EEF1AKMT2: variants seen among roughly 807,000 people sequenced by gnomAD.
EEF1AKMT2 encodes the protein EEF1A lysine methyltransferase 2, also known as eukaryotic translation elongation factor 1 alpha lysine methyltransferase 2.
In EEF1AKMT2, 32 loss-of-function variants were observed where a neutral mutation model predicts 35.8. The observed-to-expected ratio is 0.89, with a 90% CI of 0.67 to 1.20. The LOEUF is 1.20. EEF1AKMT2 is among the 50% of genes most tolerant of loss of function. EEF1AKMT2 has a pLI of 0.00. For missense variants in EEF1AKMT2, 330 were observed against 347.5 expected, an observed-to-expected ratio of 0.95 and a Z score of 0.40; for synonymous variants, 121 against 133.7, an observed-to-expected ratio of 0.91 and a Z score of 0.65.
At chr10:124,781,752 GA>G (rs796413174) in intron 3 of EEF1AKMT2, among the ~76,000 whole-genome samples, 102 of 126,800 alleles carry the variant, frequency 8.0e-4, no homozygotes, top group Middle Eastern at 4.0e-3. Context: ...TAGACAGAAA[GA>G]AAAAAAAAAA....
At chr10:124,767,295 T>C (rs1389557689) in intron 4 of EEF1AKMT2, among the ~76,000 whole-genome samples, 1 of 147,058 alleles carries the variant, frequency 6.8e-6, no homozygotes, top group Non-Finnish European at 1.5e-5. Flanking sequence ...AGACGGATCA[T>C]GAGGTCAGGA....
At chr10:124,756,294 A>G (rs1404970352), downstream of EEF1AKMT2, among the ~76,000 whole-genome samples, 1 of 152,258 alleles carries the variant, frequency 6.6e-6, no homozygotes, top group Non-Finnish European at 1.5e-5. Context: ...AAGCTAGGCA[A>G]GTAATTTGCA....
chr10:124,773,161 C>T (rs1950453237), intron 4 of EEF1AKMT2, among the ~76,000 whole-genome samples: 1 of 152,124 alleles, frequency 6.6e-6, no homozygotes, highest in African/African-American at 2.4e-5. Context: ...TTACAGGCCA[C>T]TGTGTTGAGG....
intron 3 of EEF1AKMT2, among the ~76,000 whole-genome samples, chr10:124,779,549 A>G (rs1950518627): frequency 1.3e-5 from 2 of 151,298 alleles, no homozygotes; most frequent in Admixed American, 1.3e-4. Flanking sequence ...GATCGAGACC[A>G]TCCTGGCTAA....
intron 4 of EEF1AKMT2, among the ~76,000 whole-genome samples, chr10:124,772,873 C>A (rs536122776): frequency 5.3e-5 from 8 of 152,224 alleles, no homozygotes; most frequent in Non-Finnish European, 1.2e-4. Flanking sequence ...TGAGAGAATG[C>A]TATGGCTGGT....
chr10:124,764,030 A>T (rs1371047361), intron 5 of EEF1AKMT2, among the ~76,000 whole-genome samples: 1 of 152,180 alleles, frequency 6.6e-6, no homozygotes, highest in Non-Finnish European at 1.5e-5. Context: ...ACATTATATA[A>T]TCTGTCAAAG....
intron 3 of EEF1AKMT2, among the ~76,000 whole-genome samples, chr10:124,779,555 G>A (rs937306107): frequency 4.6e-5 from 7 of 151,186 alleles, no homozygotes; most frequent in African/African-American, 1.7e-4. Flanking sequence ...GACCATCCTG[G>A]CTAACACAGT....
chr10:124,757,896 T>C lies in EEF1AKMT2; in HGVS notation c.*2607A>G, dbSNP rs1051971005. 6.6e-6 allele frequency: 1 copy of C among 152,196 alleles called. No individual in the cohort carries two copies. The highest frequency in any genetic ancestry group is 1.5e-5 in the Non-Finnish European group (1 of 68,018). 9.4% of individuals were successfully genotyped at this position (152,196 alleles called of 1,614,324 possible). A position where few individuals can be genotyped will look rare whatever the true frequency, so the allele number is the denominator to read the frequency against. On this transcript the variant is annotated 3_prime_UTR_variant, in exon 7 of 7. Coordinates refer to ENST00000368836, the MANE Select transcript of EEF1AKMT2 (RefSeq NM_212554.4). The stretch of plus-strand genomic sequence containing the variant: ...ATATCAGGTTTGATTCTCACATACA[T>C]AAATGCCAGTCCCAAAAAGCAACTC...
intron 4 of EEF1AKMT2, among the ~76,000 whole-genome samples, chr10:124,772,420 CTTTTTTTTT>C (rs59707540): frequency 4.0e-5 from 3 of 75,412 alleles, no homozygotes; most frequent in African/African-American, 1.0e-4. Flanking sequence ...TTTTCTTTTT[CTTTTTTTTT>C]TTTTTTTTTT....
Position 124,774,782 on chromosome 10 carries a change from C to A in EEF1AKMT2, c.292G>T (p.Ala98Ser). 2 of 1,389,592 alleles carry A rather than the reference C, an allele frequency of 1.4e-6. No homozygotes were observed. The highest frequency in any genetic ancestry group is 2.7e-5 in the Admixed American group (1 of 36,492). 86.1% of individuals were successfully genotyped at this position (1,389,592 alleles called of 1,614,324 possible). ...TGNGVFLVEL[A>S]KFGFSNITGI... is the part of the protein sequence containing the mutation. The stretch of plus-strand genomic sequence containing the variant: ...GTAATATTAGAGAAACCAAATTTTG[C>A]CTAGAGAGAAATAATTTTATACTTT... Residue 98 changes from alanine to serine, a missense_variant and splice_region_variant, in exon 4 of 7, where the codon GCA (alanine) becomes TCA (serine). Ala to Ser is a moderately conservative substitution (Grantham distance 99). Coordinates refer to ENST00000368836, the MANE Select transcript of EEF1AKMT2 (RefSeq NM_212554.4).
At chr10:124,789,011 G>A (rs916852458) in intron 3 of EEF1AKMT2, 32 bp downstream of exon 3, 2 of 1,532,218 alleles carry the variant, frequency 1.3e-6, no homozygotes, top group African/African-American at 1.4e-5. Flanking sequence ...TTTAAAATTT[G>A]TCTTTAACAA....
In EEF1AKMT2 at chr10:124,774,406, A is replaced by AAAAAAAAAAAAAAG. The variant is rs1554918000; in HGVS notation, c.399+268_399+269insCTTTTTTTTTTTTT. 8.9e-4 allele frequency among the ~76,000 whole-genome samples: 43 copies of AAAAAAAAAAAAAAG among 48,506 alleles called. 13 individuals carry two copies. The highest frequency in any genetic ancestry group is 4.8e-3 in the East Asian group (7 of 1,460). 31.8% of individuals were successfully genotyped at this position (48,506 alleles called of 152,430 possible). On this transcript the variant is annotated intron_variant, in intron 4 of 6. Coordinates refer to ENST00000368836, the MANE Select transcript of EEF1AKMT2 (RefSeq NM_212554.4). ...AAAAAAAAAAAAAAAAAAAAAAAAA[A>AAAAAAAAAAAAAAG]AAAACCCTTTTGATCTGGTTAATCC...
chr10:124,777,597 G>A (rs1950499111), intron 3 of EEF1AKMT2, among the ~76,000 whole-genome samples: 1 of 151,290 alleles, frequency 6.6e-6, no homozygotes, highest in African/African-American at 2.4e-5. Flanking sequence ...ATGGCTTACT[G>A]CAGCCTTGCC....
intron 3 of EEF1AKMT2, among the ~76,000 whole-genome samples, chr10:124,778,080 A>C (rs1025134414): frequency 1.3e-5 from 2 of 151,986 alleles, no homozygotes; most frequent in African/African-American, 4.8e-5. Context: ...AATCCCAGCT[A>C]CTTGGGAGGC....
At chr10:124,784,184 TAAAAC>T (rs886274113) in intron 3 of EEF1AKMT2, among the ~76,000 whole-genome samples, 28 of 152,104 alleles carry the variant, frequency 1.8e-4, no homozygotes, top group Admixed American at 1.4e-3. Context: ...TCTTGGGTCT[TAAAAC>T]AAACCTTAAC....
chr10:124,768,401 G>C (rs1280523579), intron 4 of EEF1AKMT2, among the ~76,000 whole-genome samples: 1 of 152,116 alleles, frequency 6.6e-6, no homozygotes, highest in African/African-American at 2.4e-5. Flanking sequence ...TTGAGGTCAG[G>C]AGTTTGAGAC....
intron 4 of EEF1AKMT2, among the ~76,000 whole-genome samples, chr10:124,767,086 G>A (rs1293012422): frequency 2.7e-5 from 4 of 150,646 alleles, no homozygotes; most frequent in South Asian, 4.2e-4. Context: ...GCGTGAACCC[G>A]GGAGGCAGAG....
chr10:124,770,380 T>C (rs1312012469), intron 4 of EEF1AKMT2, among the ~76,000 whole-genome samples: 1 of 152,146 alleles, frequency 6.6e-6, no homozygotes, highest in African/African-American at 2.4e-5. Context: ...ATCACACCAC[T>C]GCACTTCAGC....
intron 3 of EEF1AKMT2, among the ~76,000 whole-genome samples, chr10:124,785,028 C>A (rs1300737591): frequency 2.0e-5 from 3 of 151,366 alleles, no homozygotes; most frequent in African/African-American, 7.3e-5. Flanking sequence ...GGGGGAAAAT[C>A]ACGAGATCAG....
Sources: allele counts gnomAD v4.1 joint callset (sites outside exome capture counted in the v4.1 genomes callset), GRCh38; gene constraint gnomAD v4.1.1; transcripts MANE v1.5; gene names NCBI Gene and HGNC (gene_info 2026-07-23, HGNC 2026-07-21).